OSBPL9: variants seen among roughly 807,000 people sequenced by gnomAD.
OSBPL9 encodes oxysterol-binding protein-related protein 9.
In OSBPL9, 40 loss-of-function variants were observed where a neutral mutation model predicts 106.6. The observed-to-expected ratio is 0.38, with a 90% confidence interval of 0.29 to 0.49. The LOEUF (loss-of-function observed/expected upper bound fraction) is 0.49. Ranked by LOEUF, OSBPL9 falls within the 20% of genes least tolerant of loss-of-function variation. OSBPL9 has a pLI of 0.97. For missense variants in OSBPL9, 609 were observed against 887.2 expected (o/e 0.69, Z 3.98); for synonymous variants, 269 against 295.4 (o/e 0.91, Z 0.92).
intron 4 of OSBPL9, among the ~76,000 whole-genome samples, chr1:51,719,570 T>C (rs1661688974): frequency 1.3e-5 from 2 of 152,138 alleles, no homozygotes; most frequent in Non-Finnish European, 2.9e-5. Flanking sequence ...GTTTCCTATA[T>C]TGTAAAAAAT....
intron 3 of OSBPL9, among the ~76,000 whole-genome samples, chr1:51,673,976 G>A (rs1401999662): frequency 1.3e-5 from 2 of 151,484 alleles, no homozygotes; most frequent in East Asian, 3.9e-4. Flanking sequence ...GATGCTCTTG[G>A]CTTGGCTTAC....
At chr1:51,546,909 A>G in the OSBPL9 span, among the ~76,000 whole-genome samples, 5 of 152,208 alleles carry the variant, frequency 3.3e-5, no homozygotes, top group African/African-American at 9.7e-5. Flanking sequence ...ATCAAAAGGC[A>G]TATGAAGAGA....
At chr1:51,530,895 A>G in the OSBPL9 span, among the ~76,000 whole-genome samples, 172 of 138,930 alleles carry the variant, frequency 1.2e-3, no homozygotes, top group African/African-American at 4.5e-3. Flanking sequence ...AATCGCTTGA[A>G]CCCGGGAGGC....
At chr1:51,540,767 T>C in the OSBPL9 span, among the ~76,000 whole-genome samples, 1 of 151,932 alleles carries the variant, frequency 6.6e-6, no homozygotes, top group Non-Finnish European at 1.5e-5. Context: ...CAGACCAGCC[T>C]GGCCAACATG....
At chr1:51,629,383 A>G in intron 1 of OSBPL9, among the ~76,000 whole-genome samples, 1 of 152,154 alleles carries the variant, frequency 6.6e-6, no homozygotes, top group East Asian at 1.9e-4. Context: ...TTCAGTAAAT[A>G]TAGTCATGGG....
At chr1:51,673,448 G>C (rs987062713) in intron 3 of OSBPL9, among the ~76,000 whole-genome samples, 3 of 152,202 alleles carry the variant, frequency 2.0e-5, no homozygotes, top group African/African-American at 7.2e-5. Context: ...AGAAATAATA[G>C]CATTTCTATG....
chr1:51,769,904 A>C (rs1673464713), intron 12 of OSBPL9, among the ~76,000 whole-genome samples: 1 of 152,214 alleles, frequency 6.6e-6, no homozygotes, highest in Admixed American at 6.5e-5. Flanking sequence ...TTTTTAGGTC[A>C]ATTGATTTAA....
At chr1:51,537,775 A>T in the OSBPL9 span, among the ~76,000 whole-genome samples, 1 of 152,102 alleles carries the variant, frequency 6.6e-6, no homozygotes, top group Non-Finnish European at 1.5e-5. Flanking sequence ...TCCTGGCCTC[A>T]AGTGAACCTC....
the OSBPL9 span, among the ~76,000 whole-genome samples, chr1:51,526,828 T>A: frequency 6.6e-6 from 1 of 152,038 alleles, no homozygotes; most frequent in African/African-American, 2.4e-5. Context: ...CACTGCAACC[T>A]CTGCCTCCCA....
At chr1:51,601,425 T>G (rs1645324907) in intron 2 of OSBPL9, among the ~76,000 whole-genome samples, 1 of 152,242 alleles carries the variant, frequency 6.6e-6, no homozygotes. Context: ...CACTAGCTAT[T>G]GGGAGGCAAA....
intron 1 of OSBPL9, among the ~76,000 whole-genome samples, chr1:51,624,325 G>T (rs1644634409): frequency 6.6e-6 from 1 of 152,070 alleles, no homozygotes. Context: ...AGTGGCTCAT[G>T]CCTGTAATCC....
chr1:51,526,672 T>C, the OSBPL9 span, among the ~76,000 whole-genome samples: 4 of 152,094 alleles, frequency 2.6e-5, no homozygotes, highest in Non-Finnish European at 5.9e-5. Flanking sequence ...TTTCCATTGA[T>C]GGCATTTTTA....
At chr1:51,522,384 C>T in the OSBPL9 span, among the ~76,000 whole-genome samples, 1 of 152,032 alleles carries the variant, frequency 6.6e-6, no homozygotes, top group African/African-American at 2.4e-5. Context: ...TTTCTTCATT[C>T]GTAGGTTCTG....
intron 2 of OSBPL9, among the ~76,000 whole-genome samples, chr1:51,602,893 C>G (rs1045308593): frequency 6.6e-6 from 1 of 152,234 alleles, no homozygotes; most frequent in African/African-American, 2.4e-5. Flanking sequence ...TGGTGGCTCA[C>G]ACGTGCAATC....
chr1:51,525,877 AT>A, the OSBPL9 span, among the ~76,000 whole-genome samples: 6 of 151,896 alleles, frequency 4.0e-5, no homozygotes, highest in South Asian at 2.1e-4. Flanking sequence ...AGCCTGAATG[AT>A]TTTTTTTGTT....
intron 22 of OSBPL9, 76 bp downstream of exon 22, chr1:51,786,693 TGA>T (rs1202394818): frequency 1.7e-6 from 2 of 1,207,688 alleles, no homozygotes; most frequent in Admixed American, 1.8e-5. Flanking sequence ...GGGCTGGGTT[TGA>T]GAGACAGTAG....
In OSBPL9 at chr1:51,787,407, T is replaced by C. The variant is rs1304474490; in HGVS notation, c.2055T>C (p.Thr685=). ...AAATCAGAGACATTGATGCAGCAAC[T>C]GAAGCAAAGCACAGGCTTGAAGAAA... is the stretch of plus-strand genomic sequence containing the variant. ...NLKIRDIDAA[T]EAKHRLEERQ... Residue 685 remains threonine (T), a synonymous_variant, in exon 23 of 24, where the codon ACT becomes ACC. Transcript: ENST00000428468. 1 of 1,613,992 alleles carries C rather than the reference T, an allele frequency of 6.2e-7. No individual in the cohort carries two copies. The highest frequency in any genetic ancestry group is 8.5e-7 in the Non-Finnish European group (1 of 1,179,922).
In OSBPL9 at chr1:51,783,973, GA is replaced by G; in HGVS notation, c.1573del (p.Thr525ProfsTer15). The G allele has an allele frequency of 6.2e-7, 1 of 1,613,982 alleles. No homozygotes were observed. The highest frequency in any genetic ancestry group is 8.5e-7 in the Non-Finnish European group (1 of 1,179,926). The stretch of plus-strand genomic sequence containing the variant: ...AGATACAATTCAATGCTCATATCTG[GA>G]CCAAATCAAAATTCCTTGGGATGTC... ...KKIQFNAHIW[T>X]KSKFLGMSIG... is the part of the protein sequence containing the mutation. On this transcript the variant is annotated frameshift_variant, in exon 18 of 24. Coordinates refer to ENST00000428468, the MANE Select transcript of OSBPL9 (RefSeq NM_024586.6). LOFTEE classifies it high-confidence loss of function.
intron 1 of OSBPL9, among the ~76,000 whole-genome samples, chr1:51,596,892 A>G (rs544124363): frequency 1.6e-4 from 25 of 152,338 alleles, no homozygotes; most frequent in African/African-American, 5.0e-4. Context: ...TCCTGCTCCC[A>G]TGGAGCTACC....
Sources: allele counts gnomAD v4.1 joint callset (sites outside exome capture counted in the v4.1 genomes callset), GRCh38; gene constraint gnomAD v4.1.1; transcripts MANE v1.5; gene names NCBI Gene and HGNC (gene_info 2026-07-23, HGNC 2026-07-21).